SMIM35: variants seen among roughly 807,000 people sequenced by gnomAD.
SMIM35 encodes TMPRSS4 antisense RNA 1 (non-protein coding).
chr11:118,071,071 G>A (rs919969976), intron 1 of SMIM35, among the ~76,000 whole-genome samples: 6 of 152,254 alleles, frequency 3.9e-5, no homozygotes, highest in Admixed American at 6.5e-5. Flanking sequence ...AAAAGAGCCT[G>A]GCACATGGGA....
At chr11:118,035,263 C>G (rs924025920) in intron 1 of SMIM35, among the ~76,000 whole-genome samples, 1 of 152,068 alleles carries the variant, frequency 6.6e-6, no homozygotes, top group African/African-American at 2.4e-5. Context: ...CACATTAGCT[C>G]TAAGTAGAGC....
At chr11:118,056,974 T>C (rs573614018) in intron 1 of SMIM35, among the ~76,000 whole-genome samples, 2 of 152,042 alleles carry the variant, frequency 1.3e-5, no homozygotes, top group South Asian at 2.1e-4. Flanking sequence ...AGGCCACACA[T>C]TTCCATGAGA....
At chr11:118,060,697 G>T (rs968709704) in intron 1 of SMIM35, among the ~76,000 whole-genome samples, 1 of 152,098 alleles carries the variant, frequency 6.6e-6, no homozygotes, top group Non-Finnish European at 1.5e-5. Flanking sequence ...AGAGTCCAGG[G>T]TGTCCCTCTG....
intron 1 of SMIM35, among the ~76,000 whole-genome samples, chr11:118,023,759 G>A (rs1255068821): frequency 5.9e-5 from 9 of 152,196 alleles, no homozygotes; most frequent in East Asian, 1.9e-4. Flanking sequence ...AAAGCTGGGC[G>A]TGGTGGCTCA....
intron 4 of SMIM35, among the ~76,000 whole-genome samples, chr11:118,009,612 C>A (rs4938468): frequency 3.3e-5 from 5 of 152,006 alleles, no homozygotes; most frequent in African/African-American, 1.2e-4. Context: ...TTTCAACTGC[C>A]ATCTCCTAAA....
chr11:118,023,443 T>G (rs1160522699), intron 1 of SMIM35, among the ~76,000 whole-genome samples: 1 of 152,040 alleles, frequency 6.6e-6, no homozygotes, highest in East Asian at 1.9e-4. Context: ...CATACTGGTG[T>G]GCTGCACCCA....
chr11:118,033,000 A>T (rs970626186), intron 1 of SMIM35, among the ~76,000 whole-genome samples: 1 of 152,232 alleles, frequency 6.6e-6, no homozygotes, highest in Non-Finnish European at 1.5e-5. Flanking sequence ...TCAAAAAACT[A>T]ATACATAATA....
At chr11:118,055,882 G>A in intron 1 of SMIM35, among the ~76,000 whole-genome samples, 1 of 152,014 alleles carries the variant, frequency 6.6e-6, no homozygotes, top group Non-Finnish European at 1.5e-5. Context: ...GTAAACATGG[G>A]GGCTTGGAGA....
Position 118,027,461 on chromosome 11 carries a change from A to G in SMIM35, c.8-11652T>C, listed in dbSNP as rs748110272. ...CCCAGTTCACAGAGCTGTATATGCC[A>G]AAGCCACAGTGAGAACTCAGTTCTT... is the stretch of plus-strand genomic sequence containing the variant. On this transcript the variant is annotated intron_variant, in intron 1 of 4. Transcript: ENST00000689828. 5.5e-4 allele frequency among the ~76,000 whole-genome samples: 84 copies of G among 152,202 alleles called. 3 individuals carry two copies. Among genetic ancestry groups the G allele is most frequent in the Non-Finnish European group, 2.8e-4 (19 of 68,026 alleles).
rs115012538 is a variant in SMIM35, at chr11:118,033,312, C to T, written c.8-17503G>A. On this transcript the variant is annotated intron_variant, in intron 1 of 4. Transcript: ENST00000689828. ...TGTTTATTAATTTAGGTCTACGTTT[C>T]GATGACTTTTTTCTCACCCAAACCT... Among the ~76,000 whole-genome samples, 1,162 of 152,276 alleles carry T rather than the reference C, an allele frequency of 7.6e-3. 13 individuals are homozygous for T. Among genetic ancestry groups the T allele is most frequent in the African/African-American group, 0.027 (1,109 of 41,558 alleles).
chr11:118,054,791 A>G (rs1254975725), intron 1 of SMIM35, among the ~76,000 whole-genome samples: 1 of 148,034 alleles, frequency 6.8e-6, no homozygotes, highest in Non-Finnish European at 1.5e-5. Flanking sequence ...TTTTTCCAGA[A>G]TTATATTTTC....
intron 1 of SMIM35, among the ~76,000 whole-genome samples, chr11:118,058,696 C>T (rs559036948): frequency 1.3e-5 from 2 of 152,254 alleles, no homozygotes; most frequent in South Asian, 4.1e-4. Flanking sequence ...CCCATCTGGA[C>T]CCGAGGGCTG....
In SMIM35 at chr11:118,010,339, A is replaced by G. The variant is rs144390345; in HGVS notation, c.*33+3409T>C. Reference sequence around the variant, plus strand: ...GCCACTGGCATGGGACGAGATCATTAAGACTTCAAGGAGAACTTAGAGGAG... The same window carrying G: ...GCCACTGGCATGGGACGAGATCATTGAGACTTCAAGGAGAACTTAGAGGAG... On this transcript the variant is annotated intron_variant, in intron 4 of 4. Coordinates refer to ENST00000689828, the MANE Select transcript of SMIM35 (RefSeq NM_001394165.1). 3.9e-3 allele frequency among the ~76,000 whole-genome samples: 600 copies of G among 152,298 alleles called. 7 individuals are homozygous for G. Among genetic ancestry groups the G allele is most frequent in the Non-Finnish European group, 3.1e-3 (208 of 68,028 alleles).
chr11:118,045,525 G>A (rs1944084796), intron 1 of SMIM35, among the ~76,000 whole-genome samples: 1 of 152,084 alleles, frequency 6.6e-6, no homozygotes, highest in South Asian at 2.1e-4. Flanking sequence ...GTATTAGCTT[G>A]AACCATATAA....
intron 1 of SMIM35, among the ~76,000 whole-genome samples, chr11:118,077,568 T>A (rs1187380991): frequency 1.3e-5 from 2 of 152,242 alleles, no homozygotes; most frequent in Non-Finnish European, 2.9e-5. Context: ...CCTTCCCGAC[T>A]ATTCTTTCCT....
At chr11:118,057,477 G>C (rs1432562747) in intron 1 of SMIM35, among the ~76,000 whole-genome samples, 1 of 152,142 alleles carries the variant, frequency 6.6e-6, no homozygotes, top group African/African-American at 2.4e-5. Context: ...TGGGCATCTA[G>C]ATGACACACT....
intron 1 of SMIM35, among the ~76,000 whole-genome samples, chr11:118,032,947 A>C (rs957919044): frequency 6.6e-6 from 1 of 152,174 alleles, no homozygotes; most frequent in Non-Finnish European, 1.5e-5. Flanking sequence ...TTTTCTGGAG[A>C]GTGAGATTAT....
Position 118,042,068 on chromosome 11 carries a change from A to AGAG in SMIM35, c.8-26260_8-26259insCTC, listed in dbSNP as rs377312959. On this transcript the variant is annotated intron_variant, in intron 1 of 4. Transcript: ENST00000689828. ...TCTGTCACAAATGAAAAAAAAAAAA[A>AGAG]AGAGAGAGAGAGAAAGAAAGACAAA... 1.2e-3 allele frequency among the ~76,000 whole-genome samples: 146 copies of AGAG among 117,884 alleles called. 1 individual carries two copies. The highest frequency in any genetic ancestry group is 1.9e-3 in the Non-Finnish European group (115 of 61,080). The allele number at this position is 117,884 out of a possible 152,430, so 77.3% of individuals were successfully genotyped here.
chr11:118,009,099 A>G (rs2058137735), intron 4 of SMIM35, among the ~76,000 whole-genome samples: 1 of 152,200 alleles, frequency 6.6e-6, no homozygotes, highest in South Asian at 2.1e-4. Flanking sequence ...TTGGAGGTCA[A>G]GGAAGTTCTA....
Sources: gnomAD v4.1 joint callset for allele counts (sites outside exome capture counted in the v4.1 genomes callset) on GRCh38, gnomAD v4.1.1 for gene constraint, MANE v1.5 for transcripts, NCBI Gene and HGNC (gene_info 2026-07-23, HGNC 2026-07-21) for gene names.